The following USP7 variants were observed in gnomAD, a reference collection of about 807,000 sequenced individuals.
USP7 encodes ubiquitin specific peptidase 7.
A neutral mutation model predicts 162.9 loss-of-function variants in USP7; 9 were observed. The ratio of observed to expected loss-of-function variants is 0.06; its 90% confidence interval spans 0.03 to 0.10. USP7 has a LOEUF of 0.10. Ranked by LOEUF, USP7 falls within the 10% of genes least tolerant of loss-of-function variation. USP7 has a pLI of 1.00. For synonymous variants in USP7, 562 were observed against 475.9 expected, an observed-to-expected ratio of 1.18 and a Z score of -2.35; for missense variants, 715 against 1,373.7, an observed-to-expected ratio of 0.52 and a Z score of 7.58.
chr16:8,919,147 A>T lies in USP7; in HGVS notation c.612-8T>A. ...TGCTTCTTTGAATCCCACCTGAAAG[A>T]TCAGTTCAAGGTTGAGGGGATCTTG... On this transcript the variant is annotated splice_region_variant and splice_polypyrimidine_tract_variant and intron_variant, in intron 5 of 30. Transcript: ENST00000344836. 6.2e-7 allele frequency: 1 copy of T among 1,613,906 alleles called. No individual in the cohort carries two copies. Among genetic ancestry groups the T allele is most frequent in the Non-Finnish European group, 8.5e-7 (1 of 1,179,938 alleles).
chr16:8,934,571 G>A (rs17747956), intron 1 of USP7, among the ~76,000 whole-genome samples: 1 of 152,222 alleles, frequency 6.6e-6, no homozygotes, highest in Non-Finnish European at 1.5e-5. Context: ...GTTCTAGTGT[G>A]AAGTTAGGGC....
At chr16:8,912,098 T>C (rs992131288) in intron 10 of USP7, among the ~76,000 whole-genome samples, 1 of 152,160 alleles carries the variant, frequency 6.6e-6, no homozygotes, top group Non-Finnish European at 1.5e-5. Context: ...GTTAGGAATA[T>C]CTAACACCCA....
chr16:8,943,092 T>C (rs1028971646), intron 1 of USP7, among the ~76,000 whole-genome samples: 2 of 152,140 alleles, frequency 1.3e-5, no homozygotes, highest in Non-Finnish European at 2.9e-5. Context: ...TGATGTAAAT[T>C]AGCTATATGA....
At chr16:8,938,679 C>G (rs1399357930) in intron 1 of USP7, among the ~76,000 whole-genome samples, 3 of 150,052 alleles carry the variant, frequency 2.0e-5, no homozygotes, top group Non-Finnish European at 4.4e-5. Context: ...CCACTGCACT[C>G]CAGCTTGGGT....
chr16:8,919,170 T>C (rs754832529), intron 5 of USP7, 31 bp from the exon 6 acceptor site: 6 of 1,608,082 alleles, frequency 3.7e-6, no homozygotes, highest in Non-Finnish European at 4.3e-6. Flanking sequence ...TGAGGGGATC[T>C]TGCAGATACC....
intron 1 of USP7, among the ~76,000 whole-genome samples, chr16:8,960,367 T>C (rs1899963447): frequency 6.6e-6 from 1 of 152,212 alleles, no homozygotes; most frequent in Non-Finnish European, 1.5e-5. Flanking sequence ...AAAATAACTA[T>C]TCCAGAGCAC....
chr16:8,898,308 C>T, intron 25 of USP7, 52 bp downstream of exon 25: 1 of 1,419,630 alleles, frequency 7.0e-7, no homozygotes, highest in Non-Finnish European at 9.8e-7. Context: ...CAGGTAGAAA[C>T]AATAAGCAAG....
chr16:8,919,046 C>T lies in USP7; in HGVS notation c.705G>A (p.Thr235=), dbSNP rs747604903. 2.5e-6 allele frequency: 4 copies of T among 1,613,626 alleles called. No individual in the cohort carries two copies. The highest frequency in any genetic ancestry group is 2.2e-5 in the East Asian group (1 of 44,884). The part of the protein sequence containing the change: ...MNSLLQTLFF[T]NQLRKAVYMM... Reference sequence around the variant, plus strand: ...ATCCATTTACCTTTCGTAGCTGATTCGTGAAAAATAACGTCTGTAGCAGGC... The same window carrying T: ...ATCCATTTACCTTTCGTAGCTGATTTGTGAAAAATAACGTCTGTAGCAGGC... Residue 235 remains threonine (T), a synonymous_variant, in exon 6 of 31, where the codon ACG becomes ACA. Transcript: ENST00000344836.
Position 8,893,120 on chromosome 16 carries a change from T to C in USP7, c.*878A>G, listed in dbSNP as rs1296445230. 6 of 151,162 alleles carry C rather than the reference T, an allele frequency of 4.0e-5. No homozygotes were observed. Among genetic ancestry groups the C allele is most frequent in the Non-Finnish European group, 8.8e-5 (6 of 67,808 alleles). The allele number at this position is 151,162 out of a possible 1,614,324, so 9.4% of individuals were successfully genotyped here. ...CATTAAATATACAATTCATTTTTCC[T>C]TTTTTTTTCATTTTTAACTTTTTTA... On this transcript the variant is annotated 3_prime_UTR_variant, in exon 31 of 31. Coordinates refer to ENST00000344836, the MANE Select transcript of USP7 (RefSeq NM_003470.3).
intron 10 of USP7, among the ~76,000 whole-genome samples, chr16:8,912,283 C>T (rs1438183161): frequency 6.6e-6 from 1 of 151,908 alleles, no homozygotes; most frequent in African/African-American, 2.4e-5. Context: ...GAAACCCCGT[C>T]TCTACTAAAA....
intron 1 of USP7, among the ~76,000 whole-genome samples, chr16:8,947,823 G>C (rs1899357623): frequency 6.6e-6 from 1 of 152,174 alleles, no homozygotes; most frequent in Non-Finnish European, 1.5e-5. Context: ...TGCTGCCTCA[G>C]CTAGGTGGGC....
chr16:8,928,637 A>C (rs1247931555), intron 2 of USP7, among the ~76,000 whole-genome samples: 1 of 152,150 alleles, frequency 6.6e-6, no homozygotes, highest in Non-Finnish European at 1.5e-5. Context: ...TGCCATCAGA[A>C]AGATATTACA....
At chr16:8,908,878 G>A (rs1483884832) in intron 11 of USP7, among the ~76,000 whole-genome samples, 6 of 152,218 alleles carry the variant, frequency 3.9e-5, no homozygotes, top group Admixed American at 1.3e-4. Context: ...CTTATGAAAT[G>A]CCCAAACAGA....
intron 1 of USP7, among the ~76,000 whole-genome samples, chr16:8,947,661 G>A (rs1366382138): frequency 6.6e-6 from 1 of 152,122 alleles, no homozygotes; most frequent in Admixed American, 6.5e-5. Context: ...AACATTTAAG[G>A]TTGGCCTTAA....
rs2061613147 is a variant in USP7, at chr16:8,892,494, C to A, written c.*1504G>T. On this transcript the variant is annotated 3_prime_UTR_variant, in exon 31 of 31. Coordinates refer to ENST00000344836, the MANE Select transcript of USP7 (RefSeq NM_003470.3). Reference sequence around the variant, plus strand: ...ACCACGCCCACGATAGCGCCTGCCGCCCCGAAGGGCCTCGTGACACATCAG... The same window carrying A: ...ACCACGCCCACGATAGCGCCTGCCGACCCGAAGGGCCTCGTGACACATCAG... 6.6e-6 allele frequency: 1 copy of A among 152,140 alleles called. No homozygotes were observed. The highest frequency in any genetic ancestry group is 6.5e-5 in the Admixed American group (1 of 15,282). 9.4% of individuals were successfully genotyped at this position (152,140 alleles called of 1,614,324 possible).
At chr16:8,923,466 C>T (rs1897815217) in intron 2 of USP7, 53 bp from the exon 3 acceptor site, 1 of 1,585,660 alleles carries the variant, frequency 6.3e-7, no homozygotes, top group Admixed American at 1.7e-5. Flanking sequence ...ACCAAAAGCA[C>T]TAGCATTAAT....
chr16:8,914,067 G>T (rs576396734), intron 10 of USP7, among the ~76,000 whole-genome samples: 1 of 152,080 alleles, frequency 6.6e-6, no homozygotes, highest in South Asian at 2.1e-4. Flanking sequence ...TTCTTTAAAG[G>T]AATGACTATA....
intron 1 of USP7, among the ~76,000 whole-genome samples, chr16:8,940,494 G>A (rs545189255): frequency 2.0e-4 from 30 of 152,310 alleles, no homozygotes; most frequent in Admixed American, 9.2e-4. Context: ...GAGTGGGAGG[G>A]CAGGGGTTAC....
intron 18 of USP7, among the ~76,000 whole-genome samples, 161 bp from the exon 19 acceptor site, chr16:8,901,395 A>G (rs1281240756): frequency 2.0e-5 from 3 of 152,168 alleles, no homozygotes; most frequent in Non-Finnish European, 4.4e-5. Context: ...AAGTTACTTC[A>G]GATGTGGCTT....
Sources: gnomAD v4.1 joint callset for allele counts (sites outside exome capture counted in the v4.1 genomes callset) on GRCh38, gnomAD v4.1.1 for gene constraint, MANE v1.5 for transcripts, NCBI Gene and HGNC (gene_info 2026-07-23, HGNC 2026-07-21) for gene names.